Variants in ATP13A3 observed in about 807,000 individuals in gnomAD.
ATP13A3 encodes polyamine-transporting ATPase 13A3.
A neutral mutation model predicts 158.1 loss-of-function variants in ATP13A3; 59 were observed. That is an observed-to-expected ratio of 0.37 (90% CI 0.30 to 0.46). ATP13A3 has a LOEUF of 0.46. Among genes scored for constraint, ATP13A3 ranks in the 20% least tolerant of loss-of-function variants. The pLI is 1.00. For missense variants in ATP13A3, 1,166 were observed against 1,525.2 expected, an observed-to-expected ratio of 0.76 and a Z score of 3.92; for synonymous variants, 491 against 504.3, an observed-to-expected ratio of 0.97 and a Z score of 0.35.
intron 21 of ATP13A3, among the ~76,000 whole-genome samples, chr3:194,433,538 C>T (rs1017311741): frequency 4.6e-5 from 7 of 152,148 alleles, no homozygotes; most frequent in Non-Finnish European, 1.0e-4. Flanking sequence ...CCACCGCGCC[C>T]GGCCGTACTT....
chr3:194,430,374 C>T, intron 24 of ATP13A3, 59 bp from the exon 25 acceptor site: 1 of 1,517,612 alleles, frequency 6.6e-7, no homozygotes, highest in Non-Finnish European at 9.0e-7. Context: ...AAACATTTAA[C>T]TTATTAAGAC....
intron 2 of ATP13A3, among the ~76,000 whole-genome samples, chr3:194,464,333 C>T (rs761276134): frequency 1.3e-5 from 2 of 152,294 alleles, no homozygotes; most frequent in East Asian, 3.9e-4. Context: ...TACACACTAT[C>T]GGGTCCGACT....
intron 33 of ATP13A3, among the ~76,000 whole-genome samples, chr3:194,410,937 G>GGTGTGGGTGTGT (rs1715369461): frequency 7.9e-6 from 1 of 127,230 alleles, no homozygotes; most frequent in African/African-American, 3.3e-5. Context: ...GGGGTGTTGG[G>GGTGTGGGTGTGT]GTGTGTGTGT....
In ATP13A3 at chr3:194,462,098, A is replaced by G. The variant is rs755514153; in HGVS notation, c.51+42T>C. On this transcript the variant is annotated intron_variant, in intron 3 of 33. Transcript: ENST00000645319. ...CCCTAAAATAATAAATTGCAGAGAT[A>G]AAGTCTTCACACATCACCAGTAAAT... 26 of 1,588,496 alleles carry G rather than the reference A, an allele frequency of 1.6e-5. 1 individual carries two copies. In the South Asian group the frequency reaches 2.7e-4, roughly 16 times the overall value.
At chr3:194,406,678 T>C (rs1035088451) in intron 33 of ATP13A3, among the ~76,000 whole-genome samples, 1 of 152,238 alleles carries the variant, frequency 6.6e-6, no homozygotes, top group Non-Finnish European at 1.5e-5. Flanking sequence ...TTTGGTACTA[T>C]TGCTCCTGGC....
intron 30 of ATP13A3, among the ~76,000 whole-genome samples, chr3:194,425,040 G>A (rs1468044699): frequency 6.6e-6 from 1 of 152,200 alleles, no homozygotes; most frequent in Non-Finnish European, 1.5e-5. Context: ...ACAGTGGGCT[G>A]AGGAACCTCC....
intron 30 of ATP13A3, chr3:194,420,506 T>C (rs1307584506): frequency 1.3e-5 from 2 of 152,328 alleles, no homozygotes; most frequent in Non-Finnish European, 2.9e-5. Context: ...GTGAATCCCA[T>C]TTTTTCACTG....
At chr3:194,414,811 T>C (rs1715701177) in intron 31 of ATP13A3, among the ~76,000 whole-genome samples, 2 of 152,168 alleles carry the variant, frequency 1.3e-5, no homozygotes, top group Non-Finnish European at 2.9e-5. Flanking sequence ...ATGAGCTTAG[T>C]TCTTAAAATG....
rs1718572526 is a variant in ATP13A3, at chr3:194,448,622, C to T, written c.985G>A (p.Val329Met). ...ESMLTGESVP[V>M]TKTNLPNPSV... The stretch of plus-strand genomic sequence containing the variant: ...GGATTTGGCAAATTAGTCTTTGTCA[C>T]TGGAACACTTTCTCCTTTAAAAAAC... The change falls in exon 12 of 34, where the codon GTG becomes ATG. Residue 329 changes from valine (V) to methionine (M), a missense_variant. Physicochemically the swap from Val to Met is conservative, Grantham distance 21. This residue lies in a region of ATP13A3 where 997 missense variants were observed against 1,341.2 expected (regional missense o/e 0.74). Transcript: ENST00000645319. The surrounding 1 kb of genome is among the most constrained non-coding windows in gnomAD (Gnocchi z 4.0). 2.5e-6 allele frequency: 4 copies of T among 1,611,054 alleles called. No homozygotes were observed. The highest frequency in any genetic ancestry group is 3.4e-6 in the Non-Finnish European group (4 of 1,178,928).
chr3:194,432,904 C>T (rs1184158081), intron 21 of ATP13A3, among the ~76,000 whole-genome samples: 2 of 151,746 alleles, frequency 1.3e-5, no homozygotes, highest in African/African-American at 4.8e-5. Context: ...ATAGTAACAT[C>T]AGGAGAATCC....
At chr3:194,472,789 C>A (rs1438952753) in intron 2 of ATP13A3, among the ~76,000 whole-genome samples, 1 of 152,118 alleles carries the variant, frequency 6.6e-6, no homozygotes, top group Non-Finnish European at 1.5e-5. Context: ...AAATGTGGCA[C>A]ACATACACTA....
intron 28 of ATP13A3, 102 bp from the exon 29 acceptor site, chr3:194,427,354 C>G: frequency 9.5e-7 from 1 of 1,048,618 alleles, no homozygotes. Context: ...TTTGTTTTTG[C>G]CTAACAATTC....
Position 194,447,032 on chromosome 3 carries a change from A to T in ATP13A3, c.1392T>A (p.Ala464=). The T allele has an allele frequency of 6.2e-7, 1 of 1,613,610 alleles. No individual in the cohort carries two copies. The highest frequency in any genetic ancestry group is 2.2e-5 in the East Asian group (1 of 44,866). Residue 464 remains alanine, a synonymous_variant, in exon 14 of 34, where the codon GCT becomes GCA. Transcript: ENST00000645319. ...VPPALPAAMT[A]GIVYAQRRLK... is the part of the protein sequence containing the mutation. Reference sequence around the variant, plus strand: ...GTCTTCTCTGAGCATACACAATACCAGCAGTCATTGCAGCAGGAAGTGCAG... The same window carrying T: ...GTCTTCTCTGAGCATACACAATACCTGCAGTCATTGCAGCAGGAAGTGCAG...
chr3:194,483,894 G>C (rs1034131410), intron 2 of ATP13A3, among the ~76,000 whole-genome samples: 1 of 152,234 alleles, frequency 6.6e-6, no homozygotes, highest in Admixed American at 6.5e-5. Flanking sequence ...AGGAGGGAGA[G>C]AGAAGGGAGA....
rs574203824 is a variant in ATP13A3 at position 194,457,825 on chromosome 3, C to T, written c.480-651G>A. Among the ~76,000 whole-genome samples, 28 of 131,450 alleles carry T rather than the reference C, an allele frequency of 2.1e-4. No individual in the cohort carries two copies. The South Asian group carries it at 5.8e-3, about 27-fold the overall frequency. The allele number at this position is 131,450 out of a possible 152,430, so 86.2% of individuals were successfully genotyped here. ...TTTTTGAGATGGAGTTTTGCTCTGT[C>T]GCCAGGCTGGAGTGCAGTGGCACAA... On this transcript the variant is annotated intron_variant, in intron 6 of 33. Transcript: ENST00000645319.
rs149337077 is a variant in ATP13A3 at position 194,493,056 on chromosome 3, C to T, written n.746+994G>A. Among the ~76,000 whole-genome samples, 138 of 150,902 alleles carry T rather than the reference C, an allele frequency of 9.1e-4. 1 individual carries two copies. Among genetic ancestry groups the T allele is most frequent in the Middle Eastern group, 3.5e-3 (1 of 288 alleles). On this transcript the variant is annotated intron_variant and non_coding_transcript_variant, in intron 2 of 32. Coordinates refer to the ATP13A3 transcript ENST00000687055. Reference sequence around the variant, plus strand: ...GGGAGGATTTCTAGGATTGCCTAAGCGCAGGAGTTTGAGTTTATGGTGAGC... The same window carrying T: ...GGGAGGATTTCTAGGATTGCCTAAGTGCAGGAGTTTGAGTTTATGGTGAGC...
chr3:194,454,235 A>C, intron 9 of ATP13A3, 23 bp downstream of exon 9: 1 of 1,578,456 alleles, frequency 6.3e-7, no homozygotes, highest in Non-Finnish European at 8.7e-7. Context: ...CAGTTGTGAA[A>C]CCCATAATAA....
chr3:194,421,461 G>T (rs1178024472), intron 30 of ATP13A3, among the ~76,000 whole-genome samples: 1 of 147,210 alleles, frequency 6.8e-6, no homozygotes, highest in African/African-American at 2.5e-5. Flanking sequence ...GCTGAGGCAG[G>T]AAAATAGTGT....
In ATP13A3 at chr3:194,405,750, T is replaced by C. The variant is rs979633494; in HGVS notation, c.*169A>G. On this transcript the variant is annotated 3_prime_UTR_variant, in exon 34 of 34. Coordinates refer to ENST00000645319, the MANE Select transcript of ATP13A3 (RefSeq NM_001367549.1). ...ATTGTTAATTTAACTGTTAGGACGA[T>C]ATATTTTTCTGTTTTTATTTTAAGG... is the stretch of plus-strand genomic sequence containing the variant. 6.0e-6 allele frequency: 4 copies of C among 666,804 alleles called. No individual in the cohort carries two copies. Among genetic ancestry groups the C allele is most frequent in the South Asian group, 4.0e-5 (2 of 50,020 alleles). 41.3% of individuals were successfully genotyped at this position (666,804 alleles called of 1,614,324 possible).
Sources: allele counts gnomAD v4.1 joint callset (sites outside exome capture counted in the v4.1 genomes callset), GRCh38; gene constraint gnomAD v4.1.1; regional missense constraint gnomAD v4.1.1; non-coding constraint Gnocchi (gnomAD v3.1); transcripts MANE v1.5; gene names NCBI Gene and HGNC (gene_info 2026-07-23, HGNC 2026-07-21).